The following MALRD1 variants were observed in gnomAD, a reference collection of about 807,000 sequenced individuals.
MALRD1 encodes MAM and LDL-receptor class A domain-containing protein 1.
MALRD1 carries 247 observed loss-of-function variants against 242.1 expected under a neutral mutation model. That is an observed-to-expected ratio of 1.02 (90% CI 0.92 to 1.13). The LOEUF (loss-of-function observed/expected upper bound fraction) is 1.13, where lower values mean the gene tolerates loss of function less well. MALRD1 is among the 50% of genes most tolerant of loss of function. The pLI is 0.00. For synonymous variants in MALRD1, 995 were observed against 866.6 expected (o/e 1.15, Z -2.60); for missense variants, 2,989 against 2,533.1 (o/e 1.18, Z -3.86).
At chr10:19,635,344 TGTAA>T (rs1445428927) in intron 36 of MALRD1, among the ~76,000 whole-genome samples, 2 of 152,158 alleles carry the variant, frequency 1.3e-5, no homozygotes, top group East Asian at 3.8e-4. Flanking sequence ...AATGTGTTTA[TGTAA>T]GTGTGTTTAT....
chr10:19,440,997 C>T (rs1214989070), intron 28 of MALRD1, among the ~76,000 whole-genome samples: 1 of 151,934 alleles, frequency 6.6e-6, no homozygotes, highest in Non-Finnish European at 1.5e-5. Flanking sequence ...AGATCCTCTC[C>T]AGCACCTGTT....
At chr10:19,240,052 G>A (rs1352581071) in intron 18 of MALRD1, among the ~76,000 whole-genome samples, 1 of 152,056 alleles carries the variant, frequency 6.6e-6, no homozygotes, top group East Asian at 1.9e-4. Flanking sequence ...TTGGTATTTT[G>A]ATAGGGATTG....
At position 19,660,426 on chromosome 10, in the gene MALRD1, T is replaced by C. The variant is rs550364974; in HGVS notation, c.6138-31856T>C. The stretch of plus-strand genomic sequence containing the variant: ...ATGGTACTACTGCCTTCCTGGACCT[T>C]AGAGGGTGAGAGGAGAAATACACAT... On this transcript the variant is annotated intron_variant, in intron 36 of 39. Transcript: ENST00000454679. Among the ~76,000 whole-genome samples the C allele has an allele frequency of 5.3e-5, 8 of 152,168 alleles. No homozygotes were observed. In the East Asian group the frequency reaches 1.5e-3, roughly 29 times the overall value.
At chr10:19,288,887 T>A (rs995822922) in intron 21 of MALRD1, among the ~76,000 whole-genome samples, 46 of 152,240 alleles carry the variant, frequency 3.0e-4, no homozygotes, top group African/African-American at 1.0e-3. Flanking sequence ...GGGACCTCCT[T>A]CTGCAGATGG....
At chr10:19,501,081 A>C (rs1837945929) in intron 31 of MALRD1, among the ~76,000 whole-genome samples, 4 of 152,184 alleles carry the variant, frequency 2.6e-5, no homozygotes, top group Admixed American at 2.6e-4. Context: ...TGGCCTGTAA[A>C]TAGGCTGGTC....
At chr10:19,197,524 C>A (rs183674923) in intron 14 of MALRD1, among the ~76,000 whole-genome samples, 1 of 152,128 alleles carries the variant, frequency 6.6e-6, no homozygotes, top group African/African-American at 2.4e-5. Context: ...ACACCCTGGT[C>A]TCTGAATACA....
chr10:19,467,678 C>T (rs1836288490), intron 29 of MALRD1, among the ~76,000 whole-genome samples: 1 of 116,104 alleles, frequency 8.6e-6, no homozygotes, highest in Non-Finnish European at 1.7e-5. Flanking sequence ...AAATAATGTA[C>T]CATAAGGCTT....
chr10:19,339,114 G>GA (rs1419905895), intron 24 of MALRD1, among the ~76,000 whole-genome samples: 3 of 151,386 alleles, frequency 2.0e-5, no homozygotes, highest in African/African-American at 7.3e-5. Flanking sequence ...TCAAAAGTCT[G>GA]AAAAACAGTC....
At chr10:19,499,878 T>C (rs1837892098) in intron 31 of MALRD1, among the ~76,000 whole-genome samples, 1 of 152,186 alleles carries the variant, frequency 6.6e-6, no homozygotes, top group Non-Finnish European at 1.5e-5. Context: ...GTTTTAAAGA[T>C]TTTTCCCTAA....
At chr10:19,470,254 G>A (rs569997455) in intron 29 of MALRD1, among the ~76,000 whole-genome samples, 5 of 152,012 alleles carry the variant, frequency 3.3e-5, no homozygotes, top group African/African-American at 1.2e-4. Flanking sequence ...AGTCACCCAT[G>A]TTGTCCCAAA....
At chr10:19,229,536 T>C (rs1197507017) in intron 18 of MALRD1, among the ~76,000 whole-genome samples, 2 of 152,186 alleles carry the variant, frequency 1.3e-5, no homozygotes, top group South Asian at 2.1e-4. Flanking sequence ...ATGCCTTTCA[T>C]GCTTCTAACT....
intron 1 of MALRD1, among the ~76,000 whole-genome samples, chr10:19,057,163 T>C (rs1260074054): frequency 6.6e-6 from 1 of 152,212 alleles, no homozygotes; most frequent in Non-Finnish European, 1.5e-5. Context: ...CTGGCTTTAT[T>C]ATCAAGGTAA....
At chr10:19,528,777 A>C (rs921217467) in intron 31 of MALRD1, among the ~76,000 whole-genome samples, 5 of 152,152 alleles carry the variant, frequency 3.3e-5, no homozygotes, top group African/African-American at 1.2e-4. Flanking sequence ...CTATCATCGT[A>C]GAAGGAAAGG....
At chr10:19,444,642 C>G (rs1834860528) in intron 28 of MALRD1, among the ~76,000 whole-genome samples, 2 of 152,160 alleles carry the variant, frequency 1.3e-5, no homozygotes, top group South Asian at 2.1e-4. Context: ...GGCCCTCACT[C>G]TCTTCTGGCT....
In MALRD1 at chr10:19,464,568, A is replaced by G. The variant is rs145581565; in HGVS notation, c.5029+14078A>G. Among the ~76,000 whole-genome samples the G allele has an allele frequency of 5.9e-3, 901 of 152,228 alleles. 12 individuals are homozygous for G. Among genetic ancestry groups the G allele is most frequent in the Admixed American group, 0.024 (362 of 15,292 alleles). ...GTTCTCTATTCTGTTCCATTGGTCT[A>G]TGTTCCTATTTTTATACCACTACCA... On this transcript the variant is annotated intron_variant, in intron 29 of 39. Coordinates refer to ENST00000454679, the MANE Select transcript of MALRD1 (RefSeq NM_001142308.3).
At chr10:19,101,234 G>A (rs1298407063) in intron 4 of MALRD1, among the ~76,000 whole-genome samples, 1 of 131,894 alleles carries the variant, frequency 7.6e-6, no homozygotes, top group Non-Finnish European at 1.6e-5. Context: ...AATCCAAATA[G>A]TTTGATTTGA....
chr10:19,229,482 C>T (rs1433282062), intron 18 of MALRD1, among the ~76,000 whole-genome samples: 1 of 152,102 alleles, frequency 6.6e-6, no homozygotes, highest in African/African-American at 2.4e-5. Context: ...GTGGCATGCT[C>T]CTGGTTCCGC....
intron 38 of MALRD1, among the ~76,000 whole-genome samples, chr10:19,704,569 C>A (rs1474404047): frequency 6.6e-6 from 1 of 152,138 alleles, no homozygotes; most frequent in Admixed American, 6.6e-5. Flanking sequence ...ATGTTCAGTT[C>A]ATCACAGTAA....
intron 18 of MALRD1, among the ~76,000 whole-genome samples, chr10:19,234,473 A>G (rs1838213310): frequency 6.6e-6 from 1 of 152,150 alleles, no homozygotes; most frequent in East Asian, 1.9e-4. Context: ...AGAGATAGTC[A>G]TTAGTTTATT....
Sources: gnomAD v4.1 joint callset for allele counts (sites outside exome capture counted in the v4.1 genomes callset) on GRCh38, gnomAD v4.1.1 for gene constraint, MANE v1.5 for transcripts, NCBI Gene and HGNC (gene_info 2026-07-23, HGNC 2026-07-21) for gene names.